The following PLXNA1 variants were observed in gnomAD, a reference collection of about 807,000 sequenced individuals.
The protein encoded by PLXNA1 is plexin A1, also known as plexin-A1.
In PLXNA1, 77 loss-of-function variants were observed where a neutral mutation model predicts 191.7. The ratio of observed to expected loss-of-function variants is 0.40; its 90% CI spans 0.33 to 0.49. PLXNA1 has a LOEUF of 0.49. PLXNA1 is among the 20% of genes least tolerant of loss of function. The probability of loss-of-function intolerance (pLI) is 0.63; values close to 1 mark genes in which losing one functional copy is unlikely to be tolerated. For synonymous variants in PLXNA1, 1,137 were observed against 1,156.4 expected, an observed-to-expected ratio of 0.98 and a Z score of 0.34; for missense variants, 2,110 against 2,660.2, an observed-to-expected ratio of 0.79 and a Z score of 4.55.
chr3:127,029,674 C>T lies in PLXNA1; in HGVS notation c.4870+138C>T, dbSNP rs533950717. 11 of 1,094,674 alleles carry T rather than the reference C, an allele frequency of 1.0e-5. No individual in the cohort carries two copies. The African/African-American group carries it at 1.5e-4, about 15-fold the overall frequency. 67.8% of individuals were successfully genotyped at this position (1,094,674 alleles called of 1,614,324 possible). On this transcript the variant is annotated intron_variant, in intron 27 of 31. Coordinates refer to ENST00000393409, the MANE Select transcript of PLXNA1 (RefSeq NM_032242.4). ...TCAAGCCTGTCACTCGCACTCTTGGCCTTACCCTCCAGCTCTGGAGGCTGC... is the reference window on the plus strand; with the variant it reads ...TCAAGCCTGTCACTCGCACTCTTGGTCTTACCCTCCAGCTCTGGAGGCTGC...
chr3:127,000,406 C>G (rs1215173039), intron 3 of PLXNA1, among the ~76,000 whole-genome samples: 2 of 152,138 alleles, frequency 1.3e-5, no homozygotes, highest in East Asian at 3.9e-4. Flanking sequence ...ACAGCTGTGG[C>G]CAGGGTGTGG....
chr3:127,022,116 T>A lies in PLXNA1; in HGVS notation c.4070T>A (p.Leu1357Gln). 6.2e-7 allele frequency: 1 copy of A among 1,613,128 alleles called. No individual in the cohort carries two copies. The highest frequency in any genetic ancestry group is 8.5e-7 in the Non-Finnish European group (1 of 1,179,974). ...VQANVEKSLT[L>Q]FGQLLTKKHF... ...GCCAATGTGGAGAAGTCGCTGACAC[T>A]GTTCGGGCAGCTGCTGACCAAGAAG... is the stretch of plus-strand genomic sequence containing the variant. Residue 1357 changes from leucine (L) to glutamine (Q), a missense_variant, in exon 22 of 32, where the codon CTG (leucine) becomes CAG (glutamine). Leu to Gln is a moderately radical substitution (Grantham distance 113, BLOSUM62 -2). Around this residue, in one of 4 missense-constraint regions of PLXNA1, gnomAD observed 559 missense variants for 911.5 expected, o/e 0.61. Coordinates refer to ENST00000393409, the MANE Select transcript of PLXNA1 (RefSeq NM_032242.4).
At position 127,029,017 on chromosome 3, in the gene PLXNA1, G is replaced by T. The variant is rs142147514; in HGVS notation, c.4694G>T (p.Arg1565Leu). ...GAGTGGCGCCAGGGCCGCATGGCGC[G>T]CATCATCCTGCAGGACGAGGACGTC... ...DLEWRQGRMA[R>L]IILQDEDVTT... The change falls in exon 26 of 32, where the codon CGC (arginine) becomes CTC (leucine). Residue 1565 changes from arginine (R) to leucine (L), a missense_variant. By Grantham distance (102) the Arg-to-Leu change is moderately radical. This residue lies in a region of PLXNA1 where 559 missense variants were observed against 911.5 expected (regional missense o/e 0.61). Transcript: ENST00000393409. The T allele has an allele frequency of 3.1e-6, 5 of 1,613,094 alleles. No individual in the cohort carries two copies. In the Admixed American group the frequency reaches 5.0e-5, roughly 16 times the overall value.
rs775161188 is a variant in PLXNA1, at chr3:127,014,357, C to T, written c.2586C>T (p.Thr862=). 1.5e-5 allele frequency: 24 copies of T among 1,593,168 alleles called. No individual in the cohort carries two copies. Among genetic ancestry groups the T allele is most frequent in the Middle Eastern group, 3.3e-4 (2 of 6,064 alleles). The change falls in exon 12 of 32, where the codon ACC becomes ACT. Residue 862 remains threonine, a synonymous_variant. Coordinates refer to ENST00000393409, the MANE Select transcript of PLXNA1 (RefSeq NM_032242.4). ...MHARHGSSRC[T]DPKILKLSPE... is the part of the protein sequence containing the mutation. ...CGCGTCACGGCAGCAGTCGCTGCAC[C>T]GACCCCAAGATCCTCAAGGTAGGGC...
chr3:127,031,351 C>T (rs186266141), intron 29 of PLXNA1, among the ~76,000 whole-genome samples: 1 of 152,300 alleles, frequency 6.6e-6, no homozygotes, highest in East Asian at 1.9e-4. Context: ...GTGCACCAGG[C>T]CCCTCTACCT....
At chr3:127,016,233 T>TG (rs1176226644) in intron 15 of PLXNA1, among the ~76,000 whole-genome samples, 10 of 151,704 alleles carry the variant, frequency 6.6e-5, no homozygotes, top group African/African-American at 2.4e-4. Context: ...GGAGTGGGTG[T>TG]GGGCGACAGG....
chr3:126,986,301 G>C (rs1343999279), intron 1 of PLXNA1, among the ~76,000 whole-genome samples: 1 of 152,218 alleles, frequency 6.6e-6, no homozygotes, highest in East Asian at 1.9e-4. Context: ...GGCGGGGGCG[G>C]GAGTGGGGAC....
chr3:127,033,394 A>G (rs546036826), intron 31 of PLXNA1, among the ~76,000 whole-genome samples: 1 of 152,294 alleles, frequency 6.6e-6, no homozygotes, highest in Non-Finnish European at 1.5e-5. Flanking sequence ...ACGGGAGTGA[A>G]CCAGAGCCAC....
intron 21 of PLXNA1, among the ~76,000 whole-genome samples, chr3:127,021,017 C>T (rs2079149819): frequency 6.6e-6 from 1 of 152,210 alleles, no homozygotes; most frequent in Non-Finnish European, 1.5e-5. Context: ...CTTGGCGAGC[C>T]ACGGCCAGGG....
At chr3:127,027,529 C>T (rs1029102442) in intron 23 of PLXNA1, 8 of 388,904 alleles carry the variant, frequency 2.1e-5, no homozygotes, top group African/African-American at 1.7e-4. Context: ...CCATGGGGAG[C>T]TTTGTCCTGA....
chr3:127,004,617 C>T lies in PLXNA1; in HGVS notation c.1525C>T (p.Arg509Trp), dbSNP rs985980984. Residue 509 changes from arginine (R) to tryptophan (W), a missense_variant, in exon 5 of 32, where the codon CGG becomes TGG. Transcript: ENST00000393409. The stretch of plus-strand genomic sequence containing the variant: ...GACACCTCCCCCACACCAGGTGACG[C>T]GGGTGCCTGTGGAGAGCTGTGTGCA... ...LYAMTEKQVT[R>W]VPVESCVQYT... The T allele has an allele frequency of 2.0e-5, 31 of 1,569,814 alleles. No individual in the cohort carries two copies. Among genetic ancestry groups the T allele is most frequent in the East Asian group, 2.3e-5 (1 of 42,892 alleles).
intron 3 of PLXNA1, among the ~76,000 whole-genome samples, chr3:126,999,196 C>T (rs146137394): frequency 0.019 from 2,905 of 152,248 alleles, 41 homozygotes; most frequent in Non-Finnish European, 0.031. Context: ...GCAGCAGAGG[C>T]TCCTGCCCCT....
rs1266857197 is a variant in PLXNA1 at position 127,033,835 on chromosome 3, CACCT to C, written c.5596-84_5596-81del. On this transcript the variant is annotated intron_variant, in intron 31 of 31. Transcript: ENST00000393409. ...GGGGTAGATGGGGTTGAACCTCTGG[CACCT>C]ACTCTGGAGGCATCTGCCCTGGGCC... The C allele has an allele frequency of 8.6e-6, 10 of 1,163,830 alleles. 1 individual carries two copies. The Admixed American group carries it at 2.3e-4, about 26-fold the overall frequency. The allele number at this position is 1,163,830 out of a possible 1,614,324, so 72.1% of individuals were successfully genotyped here.
At chr3:127,033,610 T>A (rs1400059095) in intron 31 of PLXNA1, among the ~76,000 whole-genome samples, 2 of 152,032 alleles carry the variant, frequency 1.3e-5, no homozygotes, top group African/African-American at 4.8e-5. Context: ...TGAGGCTCTC[T>A]GGGGAGCTCT....
At chr3:127,000,444 G>C (rs551294664) in intron 3 of PLXNA1, among the ~76,000 whole-genome samples, 4 of 152,164 alleles carry the variant, frequency 2.6e-5, no homozygotes, top group African/African-American at 9.7e-5. Context: ...CCCGGCCGGC[G>C]TGTGCCCTTC....
intron 8 of PLXNA1, 38 bp from the exon 9 acceptor site, chr3:127,007,761 C>A: frequency 1.4e-6 from 2 of 1,403,050 alleles, no homozygotes; most frequent in Non-Finnish European, 2.0e-6. Flanking sequence ...CACGTGGTTG[C>A]GGGTCCCCAG....
Position 127,030,285 on chromosome 3 carries a change from T to G in PLXNA1, c.5104T>G (p.Phe1702Val). Residue 1702 changes from phenylalanine to valine, a missense_variant, in exon 29 of 32, where the codon TTC becomes GTC. Transcript: ENST00000393409. ...TGTGGACGACCTGTTTGAGACCATC[T>G]TCAGCACGGCACACCGGGGCTCAGC... ...KFVDDLFETIFSTAHRGSALP... is the reference protein window; with the variant it reads ...KFVDDLFETIVSTAHRGSALP... 1.2e-6 allele frequency: 2 copies of G among 1,613,904 alleles called. No individual in the cohort carries two copies. Among genetic ancestry groups the G allele is most frequent in the Non-Finnish European group, 1.7e-6 (2 of 1,180,006 alleles).
intron 3 of PLXNA1, among the ~76,000 whole-genome samples, chr3:126,992,205 A>C (rs971056762): frequency 1.4e-4 from 21 of 152,110 alleles, no homozygotes; most frequent in African/African-American, 5.1e-4. Flanking sequence ...GGACAGAGGC[A>C]GTGCAGAGCT....
chr3:127,017,286 G>A, intron 17 of PLXNA1, 139 bp from the exon 18 acceptor site: 1 of 1,302,984 alleles, frequency 7.7e-7, no homozygotes. Flanking sequence ...CGTCGGGTGG[G>A]TGGCCCAGGA....
Sources: gnomAD v4.1 joint callset for allele counts (sites outside exome capture counted in the v4.1 genomes callset) on GRCh38, gnomAD v4.1.1 for gene constraint, gnomAD v4.1.1 regional missense constraint, MANE v1.5 for transcripts, NCBI Gene and HGNC (gene_info 2026-07-23, HGNC 2026-07-21) for gene names.